The following TLE2 variants were observed in gnomAD, a reference collection of about 807,000 sequenced individuals.
TLE2 encodes TLE family member 2, transcriptional corepressor.
TLE2 carries 74 observed loss-of-function variants against 97.2 expected under a neutral mutation model. That is an observed-to-expected ratio of 0.76 (90% CI 0.63 to 0.92). The LOEUF is 0.92. Ranked by LOEUF, TLE2 falls within the 40% of genes least tolerant of loss-of-function variation. TLE2 has a pLI of 0.00. For synonymous variants in TLE2, 499 were observed against 432.1 expected (o/e 1.15, Z -1.92); for missense variants, 1,038 against 1,008.7 (o/e 1.03, Z -0.39).
At chr19:3,034,655 T>TACTTCGCCTCCTG (rs1183600318) in intron 1 of TLE2, among the ~76,000 whole-genome samples, 1 of 151,892 alleles carries the variant, frequency 6.6e-6, no homozygotes, top group African/African-American at 2.4e-5. Context: ...GCCTCCTGTC[T>TACTTCGCCTCCTG]TCTTCGCCTC....
In TLE2 at chr19:3,028,628, C is replaced by T; in HGVS notation, c.122+78G>A. 3.9e-6 allele frequency: 6 copies of T among 1,536,878 alleles called. No individual in the cohort carries two copies. The Admixed American group carries it at 1.0e-4, about 26-fold the overall frequency. On this transcript the variant is annotated intron_variant, in intron 2 of 19. Transcript: ENST00000262953. The stretch of plus-strand genomic sequence containing the variant: ...CCCTCCAACCGGGAGCCCCTCCTCC[C>T]CGCCCTATACCCCGGAGGCCTCGCC...
chr19:3,046,835 G>A (rs1175977456), upstream of TLE2, among the ~76,000 whole-genome samples: 1 of 151,322 alleles, frequency 6.6e-6, no homozygotes, highest in Non-Finnish European at 1.5e-5. Context: ...AGGAATATGG[G>A]CCCACCCCAG....
upstream of TLE2, among the ~76,000 whole-genome samples, chr19:3,046,891 G>C (rs886956129): frequency 2.8e-5 from 4 of 143,012 alleles, no homozygotes; most frequent in South Asian, 6.7e-4. Flanking sequence ...TGGGAGCATC[G>C]CTGTGCCTCC....
intron 1 of TLE2, among the ~76,000 whole-genome samples, chr19:3,037,027 G>A (rs1427167639): frequency 6.6e-6 from 1 of 152,254 alleles, no homozygotes; most frequent in African/African-American, 2.4e-5. Context: ...GCTCACGCCC[G>A]TAATCCCAGC....
chr19:3,040,499 C>A (rs1183255280), intron 1 of TLE2, among the ~76,000 whole-genome samples: 1 of 151,992 alleles, frequency 6.6e-6, no homozygotes, highest in Admixed American at 6.6e-5. Flanking sequence ...CACCACCATG[C>A]CCGGCTCATT....
In TLE2 at chr19:3,028,848, A is replaced by G. The variant is rs201918157; in HGVS notation, c.24+33T>C. The G allele has an allele frequency of 1.5e-4, 241 of 1,611,352 alleles. No individual in the cohort carries two copies. The African/African-American group carries it at 2.9e-3, about 19-fold the overall frequency. On this transcript the variant is annotated intron_variant, in intron 1 of 19. Transcript: ENST00000262953. The stretch of plus-strand genomic sequence containing the variant: ...AACGTCAGGGTCTGAGTTCCCGGAC[A>G]CTGGGGGCCCCCTCCCCGCAGTCCG...
At chr19:3,004,684 G>A (rs1031795690) in intron 17 of TLE2, among the ~76,000 whole-genome samples, 5 of 151,550 alleles carry the variant, frequency 3.3e-5, no homozygotes, top group Admixed American at 6.6e-5. Flanking sequence ...AAGGAGGAGG[G>A]GCAAATGAGA....
chr19:3,035,681 C>G (rs965077097), intron 1 of TLE2, among the ~76,000 whole-genome samples: 1 of 152,156 alleles, frequency 6.6e-6, no homozygotes, highest in Non-Finnish European at 1.5e-5. Flanking sequence ...CCGCTCGCGA[C>G]GCTCCCACAT....
intron 8 of TLE2, among the ~76,000 whole-genome samples, chr19:3,017,250 G>A (rs1238018602): frequency 2.0e-5 from 3 of 151,644 alleles, no homozygotes; most frequent in Admixed American, 6.6e-5. Flanking sequence ...TGATTCTCCT[G>A]CCTTGACCTC....
intron 1 of TLE2, among the ~76,000 whole-genome samples, chr19:3,037,011 G>T (rs562253540): frequency 6.6e-6 from 1 of 152,222 alleles, no homozygotes; most frequent in Non-Finnish European, 1.5e-5. Flanking sequence ...GGGGCAGGGC[G>T]TGGTGGCTCA....
rs1265360015 is a variant in TLE2 at position 3,028,587 on chromosome 19, G to A, written c.122+119C>T. The A allele has an allele frequency of 3.3e-6, 4 of 1,214,104 alleles. No individual in the cohort carries two copies. In the African/African-American group the frequency reaches 6.0e-5, roughly 18 times the overall value. 75.2% of individuals were successfully genotyped at this position (1,214,104 alleles called of 1,614,324 possible). On this transcript the variant is annotated intron_variant, in intron 2 of 19. Coordinates refer to ENST00000262953, the MANE Select transcript of TLE2 (RefSeq NM_003260.5). The stretch of plus-strand genomic sequence containing the variant: ...TCTGCACCTGCGCTTCCACCTGGAG[G>A]CCTTTGTCGCGCCCCCCCTCCAACC...
chr19:3,014,525 G>C lies in TLE2; in HGVS notation c.723+45C>G, dbSNP rs1178873904. ...TCCCAGTCCAGAAAACCCACCCCTT[G>C]CTCTGTGCCCAGAGTCGGGGAAGAG... On this transcript the variant is annotated intron_variant, in intron 10 of 19. Transcript: ENST00000262953. 23 of 1,514,830 alleles carry C rather than the reference G, an allele frequency of 1.5e-5. No individual in the cohort carries two copies. The East Asian group carries it at 5.3e-4, about 35-fold the overall frequency. The allele number at this position is 1,514,830 out of a possible 1,614,324, so 93.8% of individuals were successfully genotyped here.
chr19:3,003,108 G>T (rs1356089084), intron 17 of TLE2, among the ~76,000 whole-genome samples: 1 of 152,178 alleles, frequency 6.6e-6, no homozygotes, highest in Non-Finnish European at 1.5e-5. Context: ...GCTGGCCCAG[G>T]ACTGGGAACA....
chr19:3,025,333 T>C, intron 4 of TLE2: 1 of 1,273,196 alleles, frequency 7.9e-7, no homozygotes. Flanking sequence ...GTCCTACGAG[T>C]CACAGATACA....
upstream of TLE2, among the ~76,000 whole-genome samples, chr19:3,032,966 C>T (rs992156070): frequency 9.3e-4 from 140 of 150,416 alleles, no homozygotes; most frequent in African/African-American, 3.2e-3. This position sits in a 1 kb window ranked among gnomAD's most constrained non-coding sequence, Gnocchi z 4.1. Context: ...CGGAGTCATG[C>T]TCTGTCGTCC....
At chr19:3,011,343 C>T (rs1599212536) in intron 11 of TLE2, among the ~76,000 whole-genome samples, 183 bp from the exon 12 acceptor site, 1 of 151,928 alleles carries the variant, frequency 6.6e-6, no homozygotes, top group Non-Finnish European at 1.5e-5. Context: ...GCCTGGCCAA[C>T]ATGGTAAAAC....
intron 1 of TLE2, among the ~76,000 whole-genome samples, chr19:3,035,569 C>A (rs2090055863): frequency 6.6e-6 from 1 of 152,062 alleles, no homozygotes; most frequent in Non-Finnish European, 1.5e-5. Flanking sequence ...AGAAGCTGCG[C>A]TGGGACCCCG....
rs1432524655 is a variant in TLE2 at position 3,041,024 on chromosome 19, T to A, written c.63+4702A>T. The stretch of plus-strand genomic sequence containing the variant: ...ATATATATATATATATTTTTTTTTT[T>A]TTTTTTTTTTTTTTTTTTTTGAGAC... On this transcript the variant is annotated intron_variant, in intron 1 of 18. Coordinates refer to the TLE2 transcript ENST00000426948. Among the ~76,000 whole-genome samples the A allele has an allele frequency of 1.1e-3, 104 of 96,640 alleles. No homozygotes were observed. The East Asian group carries it at 0.015, about 14-fold the overall frequency. The allele number at this position is 96,640 out of a possible 152,430, so 63.4% of individuals were successfully genotyped here. A position where few individuals can be genotyped will look rare whatever the true frequency, so the allele number is the denominator to read the frequency against.
intron 1 of TLE2, among the ~76,000 whole-genome samples, chr19:3,040,823 G>C (rs557947051): frequency 1.3e-5 from 2 of 150,472 alleles, no homozygotes. Flanking sequence ...ATTTTGTAGA[G>C]ATGGGGTCTT....
Sources: allele counts gnomAD v4.1 joint callset (sites outside exome capture counted in the v4.1 genomes callset), GRCh38; gene constraint gnomAD v4.1.1; non-coding constraint Gnocchi (gnomAD v3.1); transcripts MANE v1.5; gene names NCBI Gene and HGNC (gene_info 2026-07-23, HGNC 2026-07-21).